The following PSMD11 variants were observed in gnomAD, a reference collection of about 807,000 sequenced individuals.
PSMD11 encodes proteasome 26S subunit, non-ATPase 11, also known as 26S proteasome non-ATPase regulatory subunit 11.
Under a neutral mutation model 62.3 loss-of-function variants are expected in PSMD11, and 5 were observed. The ratio of observed to expected loss-of-function variants is 0.08; its 90% CI spans 0.04 to 0.17. The LOEUF is 0.17. Ranked by LOEUF, PSMD11 falls within the 10% of genes least tolerant of loss-of-function variation. PSMD11 has a pLI of 1.00. For synonymous variants in PSMD11, 191 were observed against 191.8 expected (o/e 1.00, Z 0.03); for missense variants, 310 against 512.9 (o/e 0.60, Z 3.82).
intron 3 of PSMD11, among the ~76,000 whole-genome samples, chr17:32,456,851 G>C (rs1162183657): frequency 3.3e-5 from 5 of 152,064 alleles, no homozygotes; most frequent in African/African-American, 1.2e-4. Context: ...ATTTTTAGTA[G>C]AGACGGGGTT....
rs911141525 is a variant in PSMD11 at position 32,479,310 on chromosome 17, C to G, written c.972C>G (p.Ala324=). Residue 324 remains alanine (A), a synonymous_variant, in exon 10 of 14, where the codon GCC becomes GCG. Transcript: ENST00000261712. ...RDDPIISTHL[A]KLYDNLLEQN... ...ACCCAATCATCAGCACACACTTGGC[C>G]AAGTTGTATGATAACTTACTAGAAC... The G allele has an allele frequency of 6.2e-7, 1 of 1,614,060 alleles. No individual in the cohort carries two copies. The highest frequency in any genetic ancestry group is 1.3e-5 in the African/African-American group (1 of 74,924).
intron 2 of PSMD11, among the ~76,000 whole-genome samples, chr17:32,450,886 C>A (rs1253073839): frequency 6.6e-6 from 1 of 151,526 alleles, no homozygotes; most frequent in Admixed American, 6.6e-5. Flanking sequence ...ACAGCAAAGA[C>A]CCTATCTCTG....
chr17:32,460,110 G>C (rs1907779412), intron 3 of PSMD11, among the ~76,000 whole-genome samples: 1 of 152,022 alleles, frequency 6.6e-6, no homozygotes, highest in South Asian at 2.1e-4. Context: ...CCCACGTTGG[G>C]GTGCAGGGTG....
intron 5 of PSMD11, 102 bp from the exon 6 acceptor site, chr17:32,468,894 AATT>A: frequency 9.6e-7 from 1 of 1,040,532 alleles, no homozygotes; most frequent in East Asian, 2.7e-5. Context: ...TGAGTTCAGG[AATT>A]TTTTTTTTTT....
chr17:32,467,550 T>C (rs1908033355), intron 5 of PSMD11, among the ~76,000 whole-genome samples: 1 of 152,142 alleles, frequency 6.6e-6, no homozygotes, highest in African/African-American at 2.4e-5. Context: ...CCGGCCTCCT[T>C]TATATGTATG....
intron 6 of PSMD11, among the ~76,000 whole-genome samples, chr17:32,471,808 G>A (rs992506933): frequency 6.6e-6 from 1 of 152,000 alleles, no homozygotes; most frequent in African/African-American, 2.4e-5. Flanking sequence ...GAGCTGGGAG[G>A]TCAGAGACTT....
intron 8 of PSMD11, among the ~76,000 whole-genome samples, chr17:32,476,024 G>T (rs1908310768): frequency 6.6e-6 from 1 of 152,034 alleles, no homozygotes. Context: ...AGCACTTTGG[G>T]CGGCTGAGGT....
chr17:32,451,069 C>A (rs1597830498), intron 2 of PSMD11, among the ~76,000 whole-genome samples: 1 of 144,054 alleles, frequency 6.9e-6, no homozygotes. Context: ...TGCAGTGAGC[C>A]ACAATTGTGC....
At chr17:32,456,538 A>AT (rs1369355731) in intron 3 of PSMD11, among the ~76,000 whole-genome samples, 21 of 149,160 alleles carry the variant, frequency 1.4e-4, no homozygotes, top group African/African-American at 3.5e-4. Context: ...ATGCCTGGCT[A>AT]TTTTTTTTTG....
intron 2 of PSMD11, among the ~76,000 whole-genome samples, chr17:32,452,580 G>C (rs541037978): frequency 6.6e-6 from 1 of 152,318 alleles, no homozygotes; most frequent in East Asian, 1.9e-4. Flanking sequence ...ATTAAATTCA[G>C]TTGCGATAAG....
Position 32,480,425 on chromosome 17 carries a change from G to C in PSMD11, c.1127-64G>C, listed in dbSNP as rs1908454686. The C allele has an allele frequency of 5.0e-6, 8 of 1,592,212 alleles. No individual in the cohort carries two copies. The South Asian group carries it at 8.8e-5, about 18-fold the overall frequency. ...CAGTGAGTCAACTAGGGAGTGGGCTGCTTCACAAACACTTTTGTGTCTAAC... is the reference window on the plus strand; with the variant it reads ...CAGTGAGTCAACTAGGGAGTGGGCTCCTTCACAAACACTTTTGTGTCTAAC... On this transcript the variant is annotated intron_variant, in intron 12 of 13. Coordinates refer to ENST00000261712, the MANE Select transcript of PSMD11 (RefSeq NM_002815.4).
intron 3 of PSMD11, among the ~76,000 whole-genome samples, chr17:32,459,109 A>T (rs1907736219): frequency 1.7e-5 from 1 of 59,570 alleles, no homozygotes; most frequent in Non-Finnish European, 3.5e-5. Flanking sequence ...CAAAAAAAAA[A>T]AAATACATAT....
chr17:32,457,104 T>C (rs1231498307), intron 3 of PSMD11, among the ~76,000 whole-genome samples: 4 of 152,266 alleles, frequency 2.6e-5, no homozygotes, highest in Non-Finnish European at 5.9e-5. Context: ...ACTGTGGTTA[T>C]ATGTTGTCAT....
intron 5 of PSMD11, among the ~76,000 whole-genome samples, chr17:32,467,541 C>T (rs1166429944): frequency 1.1e-4 from 17 of 152,198 alleles, no homozygotes; most frequent in East Asian, 3.8e-4. Context: ...CCACTGCGCC[C>T]GGCCTCCTTT....
intron 2 of PSMD11, among the ~76,000 whole-genome samples, chr17:32,450,422 A>ATTTTTTTTTTTTT (rs58292122): frequency 7.7e-6 from 1 of 129,540 alleles, no homozygotes. Context: ...TGCTCGGCTA[A>ATTTTTTTTTTTTT]TTTTTTTTTT....
In PSMD11 at chr17:32,482,040, G is replaced by A. The variant is rs894354809; in HGVS notation, c.*1288G>A. 6.6e-6 allele frequency: 1 copy of A among 151,938 alleles called. No homozygotes were observed. The highest frequency in any genetic ancestry group is 6.5e-5 in the Admixed American group (1 of 15,268). The allele number at this position is 151,938 out of a possible 1,614,324, so 9.4% of individuals were successfully genotyped here. ...TATTTTCTTCTCTCATCTCCTCTTT[G>A]TCTTTTTCTCTTTTCCTCTCCTTCC... On this transcript the variant is annotated 3_prime_UTR_variant, in exon 14 of 14. Coordinates refer to ENST00000261712, the MANE Select transcript of PSMD11 (RefSeq NM_002815.4).
intron 6 of PSMD11, among the ~76,000 whole-genome samples, chr17:32,472,112 C>T (rs1013974482): frequency 1.4e-4 from 22 of 152,116 alleles, no homozygotes; most frequent in African/African-American, 4.8e-4. Flanking sequence ...AGGTGATCCA[C>T]CTGCCTTGGC....
chr17:32,444,846 G>A (rs1907279452), intron 1 of PSMD11: 7 of 574,658 alleles, frequency 1.2e-5, no homozygotes, highest in Non-Finnish European at 1.8e-5. Flanking sequence ...CTGACTCACG[G>A]GGGGCTCAGC....
At chr17:32,454,728 A>G (rs1254257322) in intron 3 of PSMD11, 109 bp downstream of exon 3, 3 of 1,153,590 alleles carry the variant, frequency 2.6e-6, no homozygotes, top group East Asian at 5.1e-5. Context: ...AACTGGGAGG[A>G]CAGCGCAGGA....
Sources: allele counts gnomAD v4.1 joint callset (sites outside exome capture counted in the v4.1 genomes callset), GRCh38; gene constraint gnomAD v4.1.1; transcripts MANE v1.5; gene names NCBI Gene and HGNC (gene_info 2026-07-23, HGNC 2026-07-21).